The following ITGB5 variants were observed in gnomAD, a reference collection of about 807,000 sequenced individuals.
ITGB5 encodes integrin subunit beta 5, also known as integrin beta-5.
In ITGB5, 38 loss-of-function variants were observed where a neutral mutation model predicts 84.8. That is an observed-to-expected ratio of 0.45 (90% CI 0.35 to 0.59). The LOEUF is 0.59. ITGB5 is among the 20% of genes least tolerant of loss of function. ITGB5 has a pLI of 0.01. For synonymous variants in ITGB5, 393 were observed against 414.4 expected, an observed-to-expected ratio of 0.95 and a Z score of 0.63; for missense variants, 905 against 1,034.5, an observed-to-expected ratio of 0.87 and a Z score of 1.72.
chr3:124,834,107 G>A (rs552513475), intron 5 of ITGB5, among the ~76,000 whole-genome samples: 12 of 152,270 alleles, frequency 7.9e-5, no homozygotes, highest in Admixed American at 4.6e-4. Flanking sequence ...AGGGACTTCC[G>A]GGGCAGGGAA....
At position 124,841,511 on chromosome 3, in the gene ITGB5, G is replaced by C; in HGVS notation, c.652C>G (p.Arg218Gly). Residue 218 changes from arginine to glycine, a missense_variant, in exon 5 of 15, where the codon CGC becomes GGC. By Grantham distance (125) the Arg-to-Gly change is moderately radical. Transcript: ENST00000296181. ...CTGTCTGTGAGAGGCAGCAGATGGC[G>C]GAACCCAAAGGAGGGGACGCAATTT... The part of the protein sequence containing the change: ...FPNCVPSFGF[R>G]HLLPLTDRVD... 1 of 1,614,100 alleles carries C rather than the reference G, an allele frequency of 6.2e-7. No homozygotes were observed.
intron 5 of ITGB5, among the ~76,000 whole-genome samples, chr3:124,822,078 T>C (rs2064715788): frequency 6.6e-6 from 1 of 152,196 alleles, no homozygotes. Flanking sequence ...TTAAAGTCAA[T>C]CAGATCCCTT....
chr3:124,810,936 C>CTTTCTTTCTTTCTTTCTTTCTTTCTT (rs536499219), intron 8 of ITGB5, among the ~76,000 whole-genome samples: 23 of 151,886 alleles, frequency 1.5e-4, no homozygotes, highest in African/African-American at 3.9e-4. Flanking sequence ...TTCTTTCTTT[C>CTTTCTTTCTTTCTTTCTTTCTTTCTT]TCTTTTTTGC....
chr3:124,825,686 GGGA>G (rs1392020917), intron 5 of ITGB5, among the ~76,000 whole-genome samples: 1 of 152,220 alleles, frequency 6.6e-6, no homozygotes, highest in Admixed American at 6.5e-5. Flanking sequence ...TTAGGGTCAT[GGGA>G]GGAGATGGAT....
intron 10 of ITGB5, among the ~76,000 whole-genome samples, chr3:124,782,940 A>G (rs565857586): frequency 2.9e-4 from 44 of 151,986 alleles, no homozygotes; most frequent in African/African-American, 1.0e-3. Flanking sequence ...GACTGATGAC[A>G]GGGTTTTTAT....
At chr3:124,774,223 C>A (rs1397789187) in intron 10 of ITGB5, among the ~76,000 whole-genome samples, 1 of 152,184 alleles carries the variant, frequency 6.6e-6, no homozygotes, top group Non-Finnish European at 1.5e-5. Flanking sequence ...GAATAATGGC[C>A]CCCAAATATG....
At chr3:124,849,503 G>T (rs530495095) in intron 3 of ITGB5, among the ~76,000 whole-genome samples, 19 of 152,250 alleles carry the variant, frequency 1.2e-4, no homozygotes, top group African/African-American at 3.6e-4. Context: ...GGGCATATTT[G>T]ATGTTTTGGG....
chr3:124,821,932 C>T (rs1029954885), intron 5 of ITGB5, among the ~76,000 whole-genome samples: 1 of 152,128 alleles, frequency 6.6e-6, no homozygotes, highest in Non-Finnish European at 1.5e-5. Flanking sequence ...TTAAGTCCCC[C>T]CATTAGACCT....
chr3:124,812,516 A>ATTCTG (rs2064520461), intron 8 of ITGB5, among the ~76,000 whole-genome samples: 1 of 152,190 alleles, frequency 6.6e-6, no homozygotes, highest in Non-Finnish European at 1.5e-5. Context: ...TTTCCAACTC[A>ATTCTG]TTCTGTTCGC....
intron 8 of ITGB5, among the ~76,000 whole-genome samples, chr3:124,815,338 G>C (rs1413462454): frequency 6.6e-6 from 1 of 152,232 alleles, no homozygotes; most frequent in African/African-American, 2.4e-5. Context: ...GCCTTCACCA[G>C]CCAATGCTCT....
At chr3:124,774,638 G>A (rs2063896410) in intron 10 of ITGB5, among the ~76,000 whole-genome samples, 2 of 152,174 alleles carry the variant, frequency 1.3e-5, no homozygotes, top group Admixed American at 1.3e-4. Context: ...AAATAAATCC[G>A]TGTTGCTTTA....
Position 124,763,466 on chromosome 3 carries a change from C to T in ITGB5, c.*157G>A. Reference sequence around the variant, plus strand: ...GCCAGGTGACATGGCCAGGCACCTTCCTGTACAGGCACTGTGGGCTCCTGG... The same window carrying T: ...GCCAGGTGACATGGCCAGGCACCTTTCTGTACAGGCACTGTGGGCTCCTGG... On this transcript the variant is annotated 3_prime_UTR_variant, in exon 15 of 15. Transcript: ENST00000296181. 1.8e-6 allele frequency: 1 copy of T among 550,114 alleles called. No individual in the cohort carries two copies. The highest frequency in any genetic ancestry group is 3.3e-6 in the Non-Finnish European group (1 of 305,244). The allele number at this position is 550,114 out of a possible 1,614,324, so 34.1% of individuals were successfully genotyped here. A position where few individuals can be genotyped will look rare whatever the true frequency, so the allele number is the denominator to read the frequency against.
intron 5 of ITGB5, among the ~76,000 whole-genome samples, chr3:124,836,134 C>A (rs976817668): frequency 6.6e-6 from 1 of 151,712 alleles, no homozygotes; most frequent in East Asian, 1.9e-4. Context: ...TGGAGGCAGC[C>A]GATAACAGAA....
intron 10 of ITGB5, among the ~76,000 whole-genome samples, chr3:124,783,355 C>T (rs999593415): frequency 1.3e-5 from 2 of 149,988 alleles, no homozygotes; most frequent in African/African-American, 4.9e-5. Flanking sequence ...TGTTCAAAAG[C>T]TGACCAGAAG....
At chr3:124,819,071 G>A (rs1162295334) in intron 7 of ITGB5, among the ~76,000 whole-genome samples, 3 of 152,226 alleles carry the variant, frequency 2.0e-5, no homozygotes, top group Admixed American at 6.5e-5. Context: ...GCACGTTCAT[G>A]TGGGGAGTTT....
At chr3:124,856,043 G>A (rs953140143) in intron 3 of ITGB5, among the ~76,000 whole-genome samples, 1 of 151,876 alleles carries the variant, frequency 6.6e-6, no homozygotes, top group Non-Finnish European at 1.5e-5. Flanking sequence ...GGGTTCAAGG[G>A]ATCCTTCCAC....
chr3:124,817,681 C>A lies in ITGB5; in HGVS notation c.1068G>T (p.Thr356=). The stretch of plus-strand genomic sequence containing the variant: ...TGGAGTCTCCATCTAAAATCTCCAC[C>A]GTTGTTCCAGGTATCAGGGCTGTAA... The part of the protein sequence containing the change: ...KNFTALIPGT[T]VEILDGDSKN... The change falls in exon 8 of 15, where the codon ACG becomes ACT. Residue 356 remains threonine (T), a synonymous_variant. Transcript: ENST00000296181. 6.3e-7 allele frequency: 1 copy of A among 1,592,452 alleles called. No individual in the cohort carries two copies. Among genetic ancestry groups the A allele is most frequent in the Non-Finnish European group, 8.6e-7 (1 of 1,169,022 alleles).
chr3:124,763,456 C>T lies in ITGB5; in HGVS notation c.*167G>A, dbSNP rs895736396. ...TGGCCTAGCAGCCAGGTGACATGGC[C>T]AGGCACCTTCCTGTACAGGCACTGT... On this transcript the variant is annotated 3_prime_UTR_variant, in exon 15 of 15. Coordinates refer to ENST00000296181, the MANE Select transcript of ITGB5 (RefSeq NM_002213.5). 1.5e-5 allele frequency: 8 copies of T among 522,862 alleles called. No homozygotes were observed. The highest frequency in any genetic ancestry group is 2.4e-5 in the Non-Finnish European group (7 of 290,602). 32.4% of individuals were successfully genotyped at this position (522,862 alleles called of 1,614,324 possible).
At chr3:124,878,143 T>C (rs1499960) in intron 1 of ITGB5, among the ~76,000 whole-genome samples, 124,984 of 152,176 alleles carry the variant, frequency 0.82, 51,478 homozygotes, top group African/African-American at 0.87. Context: ...AGCCACCGTA[T>C]CCAGCTTCAA....
Sources: gnomAD v4.1 joint callset for allele counts (sites outside exome capture counted in the v4.1 genomes callset) on GRCh38, gnomAD v4.1.1 for gene constraint, MANE v1.5 for transcripts, NCBI Gene and HGNC (gene_info 2026-07-23, HGNC 2026-07-21) for gene names.